Variants in COPZ2 observed in about 807,000 individuals in gnomAD.
COPZ2 encodes the protein coatomer subunit zeta-2.
COPZ2 carries 30 observed loss-of-function variants against 33.2 expected under a neutral mutation model. That is an observed-to-expected ratio of 0.90 (90% CI 0.68 to 1.23). COPZ2 has a LOEUF of 1.23. Among genes scored for constraint, COPZ2 ranks in the 50% most tolerant of loss-of-function variants. COPZ2 has a pLI of 0.00. For synonymous variants in COPZ2, 89 were observed against 102.6 expected, an observed-to-expected ratio of 0.87 and a Z score of 0.80; for missense variants, 263 against 262.4, an observed-to-expected ratio of 1.00 and a Z score of -0.02.
intron 8 of COPZ2, among the ~76,000 whole-genome samples, chr17:48,027,210 C>T (rs1291763864): frequency 2.0e-5 from 3 of 152,226 alleles, no homozygotes; most frequent in Non-Finnish European, 4.4e-5. Context: ...TAACTTTGTC[C>T]TCATTTTATC....
At chr17:48,035,770 TGAGA>T (rs2036973879) in intron 2 of COPZ2, among the ~76,000 whole-genome samples, 1 of 148,926 alleles carries the variant, frequency 6.7e-6, no homozygotes, top group African/African-American at 2.5e-5. Flanking sequence ...TTTTTTTTTT[TGAGA>T]CAGAGTTTCG....
chr17:48,030,901 C>T (rs1206519348), intron 6 of COPZ2, among the ~76,000 whole-genome samples: 2 of 152,172 alleles, frequency 1.3e-5, no homozygotes, highest in African/African-American at 4.8e-5. Flanking sequence ...GCTTCTGGCT[C>T]CCCAAAACCT....
the COPZ2 span, chr17:48,046,216 T>C: frequency 6.6e-6 from 1 of 152,244 alleles, no homozygotes; most frequent in Non-Finnish European, 1.5e-5. Context: ...TCTGTATTTT[T>C]CTGTCAAAAA....
At chr17:48,042,121 G>T (rs1567745869), upstream of COPZ2, among the ~76,000 whole-genome samples, 1 of 151,958 alleles carries the variant, frequency 6.6e-6, no homozygotes, top group Non-Finnish European at 1.5e-5. Context: ...CACTGTTGTT[G>T]CTTTTTCTTT....
the COPZ2 span, chr17:48,047,572 G>C: frequency 1.3e-5 from 2 of 152,152 alleles, no homozygotes; most frequent in African/African-American, 2.4e-5. Flanking sequence ...GGCCAAACGA[G>C]GGGGGTCCTT....
intron 6 of COPZ2, 151 bp from the exon 7 acceptor site, chr17:48,029,327 A>C: frequency 1.4e-6 from 1 of 719,620 alleles, no homozygotes; most frequent in East Asian, 2.7e-5. Flanking sequence ...TCAAGTCAGA[A>C]CTCTCCCTCA....
chr17:48,032,703 A>G lies in COPZ2; in HGVS notation c.399T>C (p.Ser133=). 1.3e-6 allele frequency: 2 copies of G among 1,593,404 alleles called. No homozygotes were observed. Among genetic ancestry groups the G allele is most frequent in the Non-Finnish European group, 1.7e-6 (2 of 1,169,926 alleles). Residue 133 remains serine, a synonymous_variant, in exon 5 of 9, where the codon TCT becomes TCC. Transcript: ENST00000621465. ...TCACTCACCTTAACATGTGGTTCAG[A>G]GACTCAAACAGGCAGGTGAGAACAG... ...LMSVLTCLFE[S]LNHMLRKNVE...
chr17:48,035,676 G>A (rs748458344), intron 2 of COPZ2, among the ~76,000 whole-genome samples: 6 of 151,972 alleles, frequency 3.9e-5, no homozygotes, highest in Non-Finnish European at 5.9e-5. Flanking sequence ...CACCCGCCTC[G>A]GCCTCCCAAA....
intron 2 of COPZ2, among the ~76,000 whole-genome samples, chr17:48,035,753 C>CT (rs368011148): frequency 0.091 from 11,959 of 131,484 alleles, 678 homozygotes; most frequent in East Asian, 0.2. Context: ...TTTTTCTTTT[C>CT]TTTTTTTTTT....
At chr17:48,038,097 C>G (rs1004065050), upstream of COPZ2, 1 of 158,038 alleles carries the variant, frequency 6.3e-6, no homozygotes, top group Non-Finnish European at 1.4e-5. Flanking sequence ...GCGCCAGTGT[C>G]TATAGGCTGT....
Position 48,028,693 on chromosome 17 carries a change from T to C in COPZ2, c.547-183A>G. The C allele has an allele frequency of 1.6e-6, 1 of 609,940 alleles. No individual in the cohort carries two copies. Among genetic ancestry groups the C allele is most frequent in the Non-Finnish European group, 2.9e-6 (1 of 345,740 alleles). The allele number at this position is 609,940 out of a possible 1,614,324, so 37.8% of individuals were successfully genotyped here. ...CCTGTCATTTGGAAGCCAGGACCTCTGGGATTGTGCTATGGTGCGTGGAGG... is the reference window on the plus strand; with the variant it reads ...CCTGTCATTTGGAAGCCAGGACCTCCGGGATTGTGCTATGGTGCGTGGAGG... On this transcript the variant is annotated intron_variant, in intron 7 of 8. Transcript: ENST00000621465. This position sits in a 1 kb window ranked among gnomAD's most constrained non-coding sequence, Gnocchi z 4.5.
At chr17:48,046,131 G>GA in the COPZ2 span, 1 of 152,196 alleles carries the variant, frequency 6.6e-6, no homozygotes, top group Non-Finnish European at 1.5e-5. Context: ...CCACCTTTGT[G>GA]AAATGGCTAA....
chr17:48,026,463 C>CAG lies in COPZ2; in HGVS notation c.596_597dup (p.Ala200LeufsTer11), dbSNP rs752289136. ...AACGACCATTTAATTTGTTCCTTGG[C>CAG]AGACTGAAGAACCTGGGGTGGGGTG... On this transcript the variant is annotated frameshift_variant, in exon 9 of 9. Coordinates refer to ENST00000621465, the MANE Select transcript of COPZ2 (RefSeq NM_016429.4). LOFTEE classifies it high-confidence loss of function. 4.5e-5 allele frequency: 73 copies of CAG among 1,610,932 alleles called. No homozygotes were observed. The Middle Eastern group carries it at 5.0e-4, about 11-fold the overall frequency.
In COPZ2 at chr17:48,037,200, C is replaced by A; in HGVS notation, c.112-275G>T. The A allele has an allele frequency of 1.5e-6, 1 of 688,066 alleles. No homozygotes were observed. Among genetic ancestry groups the A allele is most frequent in the Non-Finnish European group, 2.8e-6 (1 of 363,394 alleles). 42.6% of individuals were successfully genotyped at this position (688,066 alleles called of 1,614,324 possible). Reference sequence around the variant, plus strand: ...CAAGTTCTGTCATGCACTGACTGCTCCAGAGCCCGAGTCGGAGTGTATCAC... The same window carrying A: ...CAAGTTCTGTCATGCACTGACTGCTACAGAGCCCGAGTCGGAGTGTATCAC... On this transcript the variant is annotated intron_variant, in intron 1 of 8. Coordinates refer to ENST00000621465, the MANE Select transcript of COPZ2 (RefSeq NM_016429.4). The surrounding 1 kb of genome is among the most constrained non-coding windows in gnomAD (Gnocchi z 5.6).
At chr17:48,029,991 A>G (rs1484212005) in intron 6 of COPZ2, among the ~76,000 whole-genome samples, 1 of 147,716 alleles carries the variant, frequency 6.8e-6, no homozygotes, top group African/African-American at 2.5e-5. Flanking sequence ...TTTTTTTTAA[A>G]TCTTCCCTTT....
chr17:48,042,301 T>C (rs1304136155), upstream of COPZ2, among the ~76,000 whole-genome samples: 2 of 151,722 alleles, frequency 1.3e-5, no homozygotes, highest in Non-Finnish European at 2.9e-5. Flanking sequence ...ACCCAGCTAA[T>C]TTTTTTTATT....
chr17:48,032,065 G>T, intron 6 of COPZ2, 91 bp downstream of exon 6: 1 of 1,042,708 alleles, frequency 9.6e-7, no homozygotes, highest in Non-Finnish European at 1.5e-6. Context: ...TGAGAAGTTG[G>T]TCAGAGTTCT....
chr17:48,036,726 A>C, intron 2 of COPZ2, 125 bp downstream of exon 2: 1 of 776,296 alleles, frequency 1.3e-6, no homozygotes, highest in South Asian at 1.6e-5. Context: ...GGAGGATGAG[A>C]AGGACCTCTG....
the COPZ2 span, among the ~76,000 whole-genome samples, chr17:48,044,384 G>A: frequency 1.7e-4 from 24 of 137,458 alleles, no homozygotes; most frequent in African/African-American, 1.9e-4. Context: ...CTGTGTTCCC[G>A]TATTACCACA....
Sources: allele counts gnomAD v4.1 joint callset (sites outside exome capture counted in the v4.1 genomes callset), GRCh38; gene constraint gnomAD v4.1.1; non-coding constraint Gnocchi (gnomAD v3.1); transcripts MANE v1.5; gene names NCBI Gene and HGNC (gene_info 2026-07-23, HGNC 2026-07-21).